Variants in MTUS2 observed in about 807,000 individuals in gnomAD.
MTUS2 encodes microtubule-associated tumor suppressor candidate 2.
In MTUS2, 40 loss-of-function variants were observed where a neutral mutation model predicts 114.1. The observed-to-expected ratio is 0.35, with a 90% CI of 0.27 to 0.46. MTUS2 has a LOEUF of 0.46. MTUS2 is among the 20% of genes least tolerant of loss of function. MTUS2 has a pLI of 1.00. For missense variants in MTUS2, 1,679 were observed against 1,705.4 expected (o/e 0.98, Z 0.27); for synonymous variants, 688 against 672.0 (o/e 1.02, Z -0.37).
At chr13:29,228,411 C>T (rs575536758) in intron 5 of MTUS2, among the ~76,000 whole-genome samples, 2 of 152,270 alleles carry the variant, frequency 1.3e-5, no homozygotes, top group South Asian at 4.1e-4. Flanking sequence ...GCCACAACCT[C>T]CTGGGCTTAA....
intron 5 of MTUS2, among the ~76,000 whole-genome samples, chr13:29,275,948 C>G (rs1036691081): frequency 6.6e-6 from 1 of 152,202 alleles, no homozygotes; most frequent in Non-Finnish European, 1.5e-5. Context: ...ATCTAAGAAA[C>G]AATTGCCTAA....
chr13:29,493,395 G>T (rs759192279), intron 12 of MTUS2, among the ~76,000 whole-genome samples: 1 of 152,180 alleles, frequency 6.6e-6, no homozygotes, highest in East Asian at 1.9e-4. Flanking sequence ...AAGCCAGGGG[G>T]ACGCTAGGGG....
At chr13:29,317,303 GT>G (rs1285335078) in intron 6 of MTUS2, among the ~76,000 whole-genome samples, 1 of 152,090 alleles carries the variant, frequency 6.6e-6, no homozygotes, top group Non-Finnish European at 1.5e-5. Flanking sequence ...ATTAACTTTA[GT>G]GCCTCAATAT....
chr13:28,900,245 T>A (rs1879562719), intron 2 of MTUS2, among the ~76,000 whole-genome samples: 2 of 152,216 alleles, frequency 1.3e-5, no homozygotes. Flanking sequence ...ATATTGGCAT[T>A]GATACAATCC....
rs545486028 is a variant in MTUS2 at position 29,279,887 on chromosome 13, T to C, written c.2645-1817T>C. Among the ~76,000 whole-genome samples, 5 of 152,338 alleles carry C rather than the reference T, an allele frequency of 3.3e-5. No individual in the cohort carries two copies. The South Asian group carries it at 1.0e-3, about 32-fold the overall frequency. ...TGAACTCTACAGATGATACAAAATA[T>C]TTCTCTTCTTAAGAAATTTTCATAA... On this transcript the variant is annotated intron_variant, in intron 5 of 15. Coordinates refer to ENST00000612955, the MANE Select transcript of MTUS2 (RefSeq NM_001033602.4).
At chr13:29,424,361 T>G (rs1876348683) in intron 8 of MTUS2, among the ~76,000 whole-genome samples, 1 of 143,678 alleles carries the variant, frequency 7.0e-6, no homozygotes. Flanking sequence ...TAAAAATGTA[T>G]ATCAAAGAAG....
intron 5 of MTUS2, among the ~76,000 whole-genome samples, chr13:29,162,055 C>G (rs1893120713): frequency 6.6e-6 from 1 of 152,178 alleles, no homozygotes; most frequent in South Asian, 2.1e-4. Context: ...CCGCCAGACA[C>G]TTCAAAATTT....
chr13:28,969,381 C>T (rs1440452353), intron 2 of MTUS2, among the ~76,000 whole-genome samples: 1 of 152,152 alleles, frequency 6.6e-6, no homozygotes, highest in East Asian at 1.9e-4. Flanking sequence ...TCCATCATCT[C>T]AAACATTTAT....
At chr13:28,912,879 GTTA>G (rs147486775) in intron 2 of MTUS2, among the ~76,000 whole-genome samples, 223 of 152,072 alleles carry the variant, frequency 1.5e-3, no homozygotes, top group African/African-American at 4.5e-3. Context: ...AAAAAATTTT[GTTA>G]TTATTATACT....
In MTUS2 at chr13:29,480,642, A is replaced by G. The variant is rs977097698; in HGVS notation, c.3399+278A>G. Among the ~76,000 whole-genome samples, 1 of 151,994 alleles carries G rather than the reference A, an allele frequency of 6.6e-6. No homozygotes were observed. The highest frequency in any genetic ancestry group is 1.5e-5 in the Non-Finnish European group (1 of 68,002). On this transcript the variant is annotated intron_variant, in intron 10 of 15. Coordinates refer to ENST00000612955, the MANE Select transcript of MTUS2 (RefSeq NM_001033602.4). The surrounding 1 kb of genome is among the most constrained non-coding windows in gnomAD (Gnocchi z 4.4). ...GGCTGCCTCTTGCCCTCCCTTCCAG[A>G]CTTTTCTCTGTCACCTTGCTCAGTG...
intron 2 of MTUS2, among the ~76,000 whole-genome samples, chr13:28,996,176 T>C (rs1490939503): frequency 6.6e-6 from 1 of 152,174 alleles, no homozygotes. Flanking sequence ...TTGTCTTTGG[T>C]TCTGTTTATA....
intron 4 of MTUS2, among the ~76,000 whole-genome samples, chr13:29,094,482 G>T (rs1352870731): frequency 6.6e-6 from 1 of 151,900 alleles, no homozygotes; most frequent in African/African-American, 2.4e-5. Context: ...AGATGCAGTT[G>T]TTCATAGTAC....
chr13:29,177,351 TA>T lies in MTUS2; in HGVS notation c.2644+76387del, dbSNP rs1272121572. Among the ~76,000 whole-genome samples the T allele has an allele frequency of 2.9e-4, 44 of 150,822 alleles. 3 individuals are homozygous for T. The highest frequency in any genetic ancestry group is 1.0e-3 in the African/African-American group (41 of 40,270). On this transcript the variant is annotated intron_variant, in intron 5 of 15. Transcript: ENST00000612955. Reference sequence around the variant, plus strand: ...AAACTAAGGAGATAAAATGGGTTCATAAAAAATACTGAAAAGAAGCTACTGG... The same window carrying T: ...AAACTAAGGAGATAAAATGGGTTCATAAAAATACTGAAAAGAAGCTACTGG...
intron 2 of MTUS2, among the ~76,000 whole-genome samples, chr13:28,869,412 A>G (rs1877487743): frequency 6.6e-6 from 1 of 152,206 alleles, no homozygotes; most frequent in African/African-American, 2.4e-5. Context: ...GTCCATTTGT[A>G]AATCAGTTAT....
intron 2 of MTUS2, among the ~76,000 whole-genome samples, chr13:28,999,317 A>G (rs534807544): frequency 3.6e-4 from 55 of 152,296 alleles, no homozygotes; most frequent in African/African-American, 1.3e-3. Flanking sequence ...GGTTCCTCCC[A>G]GTTAGGCTAC....
chr13:28,941,917 A>C (rs1454162939), intron 2 of MTUS2, among the ~76,000 whole-genome samples: 1 of 152,228 alleles, frequency 6.6e-6, no homozygotes, highest in Admixed American at 6.5e-5. Context: ...TCACTGAGTT[A>C]TGCAGATCTT....
At chr13:29,312,662 A>G (rs568964980) in intron 6 of MTUS2, among the ~76,000 whole-genome samples, 11 of 152,194 alleles carry the variant, frequency 7.2e-5, no homozygotes, top group Admixed American at 7.2e-4. Flanking sequence ...TCAAACATCT[A>G]CCTGTGTAGC....
intron 2 of MTUS2, among the ~76,000 whole-genome samples, chr13:28,988,078 C>G (rs1177203985): frequency 6.6e-6 from 1 of 152,174 alleles, no homozygotes; most frequent in Admixed American, 6.5e-5. Context: ...AAAAAGTGAT[C>G]TCATTTTACA....
rs74241777 is a variant in MTUS2 at position 28,971,150 on chromosome 13, T to C, written c.-242-53307T>C. On this transcript the variant is annotated intron_variant, in intron 2 of 15. Coordinates refer to ENST00000612955, the MANE Select transcript of MTUS2 (RefSeq NM_001033602.4). ...TGGATTTGGGATTTTTCAAATACTA[T>C]GGGAAAGCTTCTTCATTTCAGTCAC... Among the ~76,000 whole-genome samples the C allele has an allele frequency of 2.9e-3, 446 of 152,348 alleles. 13 individuals are homozygous for C. In the East Asian group the frequency reaches 0.08, roughly 27 times the overall value.
Sources: gnomAD v4.1 joint callset for allele counts (sites outside exome capture counted in the v4.1 genomes callset) on GRCh38, gnomAD v4.1.1 for gene constraint, Gnocchi (gnomAD v3.1) non-coding constraint, MANE v1.5 for transcripts, NCBI Gene and HGNC (gene_info 2026-07-23, HGNC 2026-07-21) for gene names.